Variants in CAPN3 observed in about 807,000 individuals in gnomAD.
The protein encoded by CAPN3 is calpain 3, also known as calpain-3.
CAPN3 carries 88 observed loss-of-function variants against 114.0 expected under a neutral mutation model. The ratio of observed to expected loss-of-function variants is 0.77; its 90% CI spans 0.65 to 0.92. The LOEUF (loss-of-function observed/expected upper bound fraction) is 0.92, where lower values mean the gene tolerates loss of function less well. Among genes scored for constraint, CAPN3 ranks in the 40% least tolerant of loss-of-function variants. The pLI, the probability that CAPN3 is intolerant of heterozygous loss-of-function variation, is 0.00. For synonymous variants in CAPN3, 386 were observed against 382.9 expected (o/e 1.01, Z -0.09); for missense variants, 1,028 against 1,069.0 (o/e 0.96, Z 0.53).
At chr15:42,389,884 C>T in intron 5 of CAPN3, 69 bp from the exon 6 acceptor site, 1 of 1,543,290 alleles carries the variant, frequency 6.5e-7, no homozygotes, top group Non-Finnish European at 9.0e-7. Context: ...CTCTCCTTCC[C>T]TTTCCACCCT....
At chr15:42,363,640 G>A (rs2052706164) in intron 1 of CAPN3, among the ~76,000 whole-genome samples, 2 of 152,232 alleles carry the variant, frequency 1.3e-5, no homozygotes, top group Admixed American at 1.3e-4. Flanking sequence ...CCCATGGGGA[G>A]TCATGCAGGA....
At chr15:42,386,465 C>T (rs1279284365) in intron 3 of CAPN3, among the ~76,000 whole-genome samples, 180 bp downstream of exon 3, 1 of 152,154 alleles carries the variant, frequency 6.6e-6, no homozygotes, top group Admixed American at 6.5e-5. Flanking sequence ...ATCTCTGGCT[C>T]CCTAATCCCT....
At chr15:42,391,911 C>A (rs750452948) in intron 6 of CAPN3, among the ~76,000 whole-genome samples, 1 of 152,188 alleles carries the variant, frequency 6.6e-6, no homozygotes, top group Non-Finnish European at 1.5e-5. Context: ...TGCCTGTAAT[C>A]CCAGCACTTT....
intron 6 of CAPN3, 85 bp from the exon 7 acceptor site, chr15:42,392,554 A>T (rs146376709): frequency 3.8e-6 from 4 of 1,048,684 alleles, no homozygotes; most frequent in Non-Finnish European, 5.9e-6. Context: ...AGAGCCCGGA[A>T]AATGAACTAG....
In CAPN3 at chr15:42,390,231, TGAA is replaced by T. The variant is rs1461544044; in HGVS notation, c.945+136_945+138del. 4.2e-6 allele frequency: 4 copies of T among 962,098 alleles called. No individual in the cohort carries two copies. In the African/African-American group the frequency reaches 4.8e-5, roughly 12 times the overall value. 59.6% of individuals were successfully genotyped at this position (962,098 alleles called of 1,614,324 possible). A position where few individuals can be genotyped will look rare whatever the true frequency, so the allele number is the denominator to read the frequency against. Reference sequence around the variant, plus strand: ...CCTGGCACCTCCCAAGGGTCTGGGTTGAAATAACTTGCTCAGCCAAGGCTCCTG... The same window carrying T: ...CCTGGCACCTCCCAAGGGTCTGGGTTATAACTTGCTCAGCCAAGGCTCCTG... On this transcript the variant is annotated intron_variant, in intron 6 of 23. Coordinates refer to ENST00000397163, the MANE Select transcript of CAPN3 (RefSeq NM_000070.3).
chr15:42,409,902 C>G, intron 18 of CAPN3, 29 bp from the exon 19 acceptor site: 1 of 1,611,818 alleles, frequency 6.2e-7, no homozygotes, highest in Non-Finnish European at 8.5e-7. Context: ...TGTCTCAAAG[C>G]AGCTCCTCAC....
intron 3 of CAPN3, 82 bp downstream of exon 3, chr15:42,386,367 G>A: frequency 1.0e-6 from 1 of 964,626 alleles, no homozygotes; most frequent in South Asian, 1.3e-5. Context: ...CCCAGAAGCT[G>A]GAGGAAACTT....
chr15:42,407,291 A>T (rs527623810), intron 15 of CAPN3, among the ~76,000 whole-genome samples: 1 of 152,120 alleles, frequency 6.6e-6, no homozygotes, highest in East Asian at 1.9e-4. Flanking sequence ...GGGAAAGCAG[A>T]TTTTACCATT....
At chr15:42,371,981 AT>A (rs2052960769) in intron 1 of CAPN3, among the ~76,000 whole-genome samples, 2 of 150,420 alleles carry the variant, frequency 1.3e-5, no homozygotes, top group South Asian at 2.1e-4. Flanking sequence ...TTAAAAAAAA[AT>A]CTTAAAAATT....
At chr15:42,385,827 T>A in intron 2 of CAPN3, 1 of 554,038 alleles carries the variant, frequency 1.8e-6, no homozygotes, top group South Asian at 1.4e-5. Flanking sequence ...TTCCTACAGG[T>A]GTTAGGAAGA....
At chr15:42,407,522 G>A (rs186753494) in intron 15 of CAPN3, among the ~76,000 whole-genome samples, 2 of 152,126 alleles carry the variant, frequency 1.3e-5, no homozygotes, top group African/African-American at 4.8e-5. Context: ...GTAGAGATGG[G>A]GTTTCACCCA....
intron 2 of CAPN3, chr15:42,385,537 G>GAA: frequency 2.9e-6 from 1 of 340,108 alleles, no homozygotes. Context: ...CACACAGAGA[G>GAA]AGAGAGAGAG....
Position 42,390,005 on chromosome 15 carries a change from A to C in CAPN3, c.854A>C (p.Glu285Ala). 1 of 1,613,790 alleles carries C rather than the reference A, an allele frequency of 6.2e-7. No individual in the cohort carries two copies. The highest frequency in any genetic ancestry group is 8.5e-7 in the Non-Finnish European group (1 of 1,179,964). Residue 285 changes from glutamate (E) to alanine (A), a missense_variant, in exon 6 of 24, where the codon GAG becomes GCG. Transcript: ENST00000397163. ...GTSPSGLNMG[E>A]LIARMVRNMD... The stretch of plus-strand genomic sequence containing the variant: ...TCTCCTTCTGGTCTGAACATGGGGG[A>C]GTTGATTGCACGGATGGTAAGGAAT...
chr15:42,368,381 G>A, intron 1 of CAPN3, among the ~76,000 whole-genome samples: 1 of 152,192 alleles, frequency 6.6e-6, no homozygotes. Context: ...TAGCATTCTA[G>A]GAGGCTGTGG....
chr15:42,406,242 A>G (rs1217979629), intron 15 of CAPN3, among the ~76,000 whole-genome samples: 1 of 152,220 alleles, frequency 6.6e-6, no homozygotes, highest in Non-Finnish European at 1.5e-5. Flanking sequence ...AAAGGTACAG[A>G]CTTGACTAAC....
intron 1 of CAPN3, among the ~76,000 whole-genome samples, chr15:42,377,628 C>G (rs2053124495): frequency 6.6e-6 from 1 of 151,980 alleles, no homozygotes; most frequent in African/African-American, 2.4e-5. Flanking sequence ...CTGTAGTTTT[C>G]CTTTATTAGA....
intron 1 of CAPN3, among the ~76,000 whole-genome samples, chr15:42,364,064 T>G (rs1225036232): frequency 6.6e-6 from 1 of 152,228 alleles, no homozygotes; most frequent in Non-Finnish European, 1.5e-5. Flanking sequence ...TGTCATTTAT[T>G]GGGCCTCCTC....
intron 14 of CAPN3, among the ~76,000 whole-genome samples, chr15:42,405,403 C>T (rs1418444127): frequency 1.3e-5 from 2 of 152,230 alleles, no homozygotes; most frequent in African/African-American, 2.4e-5. Context: ...CTCCGCCTCC[C>T]GGGTTCAAGC....
chr15:42,412,006 T>G lies in CAPN3; in HGVS notation c.*233T>G. 4 of 1,508,562 alleles carry G rather than the reference T, an allele frequency of 2.7e-6. No individual in the cohort carries two copies. Among genetic ancestry groups the G allele is most frequent in the Non-Finnish European group, 3.5e-6 (4 of 1,131,282 alleles). 93.4% of individuals were successfully genotyped at this position (1,508,562 alleles called of 1,614,324 possible). On this transcript the variant is annotated 3_prime_UTR_variant, in exon 24 of 24. Coordinates refer to ENST00000397163, the MANE Select transcript of CAPN3 (RefSeq NM_000070.3). ...TAGGAAGAACAAACCCTTGTCCCTT[T>G]GCCATGTGGAGGAAAGTGCCTGCCT...
Sources: gnomAD v4.1 joint callset for allele counts (sites outside exome capture counted in the v4.1 genomes callset) on GRCh38, gnomAD v4.1.1 for gene constraint, MANE v1.5 for transcripts, NCBI Gene and HGNC (gene_info 2026-07-23, HGNC 2026-07-21) for gene names.